Variants in BCR observed in about 807,000 individuals in gnomAD.
BCR encodes the protein breakpoint cluster region protein.
Under a neutral mutation model 138.6 loss-of-function variants are expected in BCR, and 58 were observed. The ratio of observed to expected loss-of-function variants is 0.42; its 90% confidence interval spans 0.34 to 0.52. The LOEUF (loss-of-function observed/expected upper bound fraction) is 0.52. Among genes scored for constraint, BCR ranks in the 20% least tolerant of loss-of-function variants. BCR has a pLI of 0.06. For synonymous variants in BCR, 786 were observed against 730.1 expected, an observed-to-expected ratio of 1.08 and a Z score of -1.23; for missense variants, 1,599 against 1,727.2, an observed-to-expected ratio of 0.93 and a Z score of 1.32.
Position 23,312,954 on chromosome 22 carries a change from G to A in BCR, c.3390G>A (p.Leu1130=), listed in dbSNP as rs773539573. 59 of 1,592,384 alleles carry A rather than the reference G, an allele frequency of 3.7e-5. No individual in the cohort carries two copies. The highest frequency in any genetic ancestry group is 4.6e-5 in the Non-Finnish European group (54 of 1,175,366). Residue 1130 remains leucine (L), a synonymous_variant, in exon 20 of 23, where the codon CTG becomes CTA. Transcript: ENST00000305877. ...DVNAIAGTLK[L]YFRELPEPLF... Reference sequence around the variant, plus strand: ...ACGCCATCGCAGGCACGCTGAAGCTGTACTTCCGTGAGCTGCCCGAGCCCC... The same window carrying A: ...ACGCCATCGCAGGCACGCTGAAGCTATACTTCCGTGAGCTGCCCGAGCCCC...
At chr22:23,249,225 G>C (rs1195965283) in intron 1 of BCR, among the ~76,000 whole-genome samples, 2 of 151,992 alleles carry the variant, frequency 1.3e-5, no homozygotes, top group Non-Finnish European at 2.9e-5. Flanking sequence ...GTCAGGAGAT[G>C]GAGACCATCC....
At chr22:23,254,572 C>A in intron 2 of BCR, 1 of 518,890 alleles carries the variant, frequency 1.9e-6, no homozygotes, top group South Asian at 1.4e-5. Context: ...GACCCACGCC[C>A]CCCCTCACAT....
chr22:23,295,032 G>A lies in BCR; in HGVS notation c.2889G>A (p.Glu963=), dbSNP rs200899697. The change falls in exon 16 of 23, where the codon GAG becomes GAA. Residue 963 remains glutamate, a synonymous_variant. Coordinates refer to ENST00000305877, the MANE Select transcript of BCR (RefSeq NM_004327.4). ...CTCCCTTGGGGCTGCAGGAATTTGA[G>A]ATAGAGCTGGAGGGCTCCCAGACCC... The part of the protein sequence containing the change: ...TAEPNWNEEF[E]IELEGSQTLR... 92 of 1,613,928 alleles carry A rather than the reference G, an allele frequency of 5.7e-5. 1 individual carries two copies. Among genetic ancestry groups the A allele is most frequent in the Non-Finnish European group, 7.6e-5 (90 of 1,179,952 alleles).
Position 23,181,541 on chromosome 22 carries a change from A to G in BCR, c.581A>G (p.Lys194Arg), listed in dbSNP as rs1207372596. ...CGCGGCCTGGTGAAGGTCAACGACA[A>G]AGAGGTGTCGGACCGCATCAGCTCC... ...HERGLVKVND[K>R]EVSDRISSLG... is the part of the protein sequence containing the mutation. Residue 194 changes from lysine (K) to arginine (R), a missense_variant, in exon 1 of 23, where the codon AAA becomes AGA. By Grantham distance (26) the Lys-to-Arg change is conservative. Around this residue, in one of 4 missense-constraint regions of BCR, gnomAD observed 806 missense variants for 635.0 expected, o/e 1.27. Coordinates refer to ENST00000305877, the MANE Select transcript of BCR (RefSeq NM_004327.4). 11 of 1,612,852 alleles carry G rather than the reference A, an allele frequency of 6.8e-6. No homozygotes were observed. In the African/African-American group the frequency reaches 1.5e-4, roughly 22 times the overall value.
At chr22:23,190,905 T>A (rs2072404673) in intron 1 of BCR, among the ~76,000 whole-genome samples, 2 of 152,212 alleles carry the variant, frequency 1.3e-5, no homozygotes, top group Non-Finnish European at 2.9e-5. Context: ...TTAGCTTCTT[T>A]AATTTTTTTC....
intron 1 of BCR, among the ~76,000 whole-genome samples, chr22:23,211,517 ACT>A (rs1212680296): frequency 3.7e-5 from 4 of 109,540 alleles, no homozygotes; most frequent in African/African-American, 1.4e-4. Context: ...AGACAGTCTC[ACT>A]CTGTTGCCCA....
Position 23,181,174 on chromosome 22 carries a change from C to T in BCR, c.214C>T (p.Arg72Trp), listed in dbSNP as rs1262366952. ...LLAKEKKSYD[R>W]QRWGFRRAAQ... Reference sequence around the variant, plus strand: ...GGCCAAGGAAAAGAAGAGCTATGACCGGCAGCGATGGGGCTTCCGGCGCGC... The same window carrying T: ...GGCCAAGGAAAAGAAGAGCTATGACTGGCAGCGATGGGGCTTCCGGCGCGC... Residue 72 changes from arginine to tryptophan, a missense_variant, in exon 1 of 23, where the codon CGG becomes TGG. Arg to Trp is a moderately radical substitution (Grantham distance 101, BLOSUM62 -3). This residue lies in a region of BCR where 806 missense variants were observed against 635.0 expected (regional missense o/e 1.27). Transcript: ENST00000305877. The T allele has an allele frequency of 4.3e-6, 6 of 1,379,524 alleles. No homozygotes were observed. In the Admixed American group the frequency reaches 7.5e-5, roughly 17 times the overall value. The allele number at this position is 1,379,524 out of a possible 1,614,324, so 85.5% of individuals were successfully genotyped here.
rs2072241399 is a variant in BCR, at chr22:23,180,971, C to G, written c.11C>G (p.Pro4Arg). The G allele has an allele frequency of 1.4e-6, 2 of 1,396,512 alleles. No individual in the cohort carries two copies. Among genetic ancestry groups the G allele is most frequent in the African/African-American group, 1.5e-5 (1 of 67,562 alleles). 86.5% of individuals were successfully genotyped at this position (1,396,512 alleles called of 1,614,324 possible). ...AAGGCCGGCCGCGCCATGGTGGACC[C>G]GGTGGGCTTCGCGGAGGCGTGGAAG... MVD[P>R]VGFAEAWKAQ... Residue 4 changes from proline to arginine, a missense_variant, in exon 1 of 23, where the codon CCG becomes CGG. Pro to Arg is a moderately radical substitution (Grantham distance 103, BLOSUM62 -2). This residue lies in a region of BCR where 806 missense variants were observed against 635.0 expected (regional missense o/e 1.27). Coordinates refer to ENST00000305877, the MANE Select transcript of BCR (RefSeq NM_004327.4).
At chr22:23,183,218 G>A (rs370618850) in intron 1 of BCR, among the ~76,000 whole-genome samples, 2 of 152,206 alleles carry the variant, frequency 1.3e-5, no homozygotes, top group Non-Finnish European at 2.9e-5. Context: ...TTTGCCATTG[G>A]GGTAAGGAAA....
At chr22:23,303,219 A>T (rs1002571436) in intron 16 of BCR, among the ~76,000 whole-genome samples, 1 of 152,316 alleles carries the variant, frequency 6.6e-6, no homozygotes, top group African/African-American at 2.4e-5. Context: ...GGTACTGGAG[A>T]TACCACAGAG....
intron 16 of BCR, among the ~76,000 whole-genome samples, chr22:23,303,541 T>G (rs992606114): frequency 5.9e-5 from 9 of 152,240 alleles, no homozygotes; most frequent in African/African-American, 1.9e-4. Flanking sequence ...GAGAAACTTA[T>G]GTATGTAGCC....
intron 4 of BCR, 119 bp from the exon 5 acceptor site, chr22:23,268,289 G>A: frequency 1.3e-6 from 1 of 763,330 alleles, no homozygotes; most frequent in Non-Finnish European, 2.1e-6. Flanking sequence ...GGCCTCTGCA[G>A]CCTGTGTGCC....
At chr22:23,212,994 G>C (rs1417156343) in intron 1 of BCR, among the ~76,000 whole-genome samples, 1 of 152,220 alleles carries the variant, frequency 6.6e-6, no homozygotes, top group Non-Finnish European at 1.5e-5. Flanking sequence ...GACAAGGACT[G>C]GCAATCAGAT....
chr22:23,265,659 G>A (rs2073432747), intron 4 of BCR, among the ~76,000 whole-genome samples: 1 of 152,174 alleles, frequency 6.6e-6, no homozygotes, highest in Admixed American at 6.5e-5. Context: ...AAACTTACAG[G>A]AGAACTGTAA....
chr22:23,275,749 G>A (rs2073568076), intron 8 of BCR, among the ~76,000 whole-genome samples: 1 of 152,202 alleles, frequency 6.6e-6, no homozygotes, highest in Admixed American at 6.5e-5. Context: ...GTGGGTTCCT[G>A]CCAGGTTCGC....
At chr22:23,307,339 A>G (rs954914238) in intron 16 of BCR, among the ~76,000 whole-genome samples, 2 of 152,020 alleles carry the variant, frequency 1.3e-5, no homozygotes, top group African/African-American at 2.4e-5. Flanking sequence ...CATGGGCTCA[A>G]GTGATCCTCC....
intron 1 of BCR, among the ~76,000 whole-genome samples, chr22:23,230,116 G>C (rs1412180562): frequency 6.6e-6 from 1 of 151,476 alleles, no homozygotes; most frequent in African/African-American, 2.4e-5. Context: ...GCCCATGCTG[G>C]GAGGCAAAAT....
intron 1 of BCR, among the ~76,000 whole-genome samples, chr22:23,218,182 C>T (rs887303101): frequency 6.6e-6 from 1 of 152,160 alleles, no homozygotes; most frequent in African/African-American, 2.4e-5. Context: ...CTGACCTGAC[C>T]CTCAGGCCCT....
intron 1 of BCR, among the ~76,000 whole-genome samples, chr22:23,226,959 C>T (rs573309013): frequency 6.6e-6 from 1 of 152,222 alleles, no homozygotes; most frequent in African/African-American, 2.4e-5. Flanking sequence ...AGAGACCAGG[C>T]CAGGATCGAG....
Sources: gnomAD v4.1 joint callset for allele counts (sites outside exome capture counted in the v4.1 genomes callset) on GRCh38, gnomAD v4.1.1 for gene constraint, gnomAD v4.1.1 regional missense constraint, MANE v1.5 for transcripts, NCBI Gene and HGNC (gene_info 2026-07-23, HGNC 2026-07-21) for gene names.